ITIH1: variants seen among roughly 807,000 people sequenced by gnomAD.
ITIH1 encodes the protein inter-alpha-trypsin inhibitor heavy chain H1.
A neutral mutation model predicts 104.6 loss-of-function variants in ITIH1; 94 were observed. The observed-to-expected ratio is 0.90, with a 90% CI of 0.76 to 1.07. The LOEUF is 1.07. ITIH1 is among the 50% of genes least tolerant of loss of function. The pLI is 0.00. For missense variants in ITIH1, 1,193 were observed against 1,181.4 expected, an observed-to-expected ratio of 1.01 and a Z score of -0.14; for synonymous variants, 455 against 464.4, an observed-to-expected ratio of 0.98 and a Z score of 0.26.
At chr3:52,786,096 G>A (rs1403072894) in intron 12 of ITIH1, among the ~76,000 whole-genome samples, 199 bp from the exon 13 acceptor site, 1 of 152,168 alleles carries the variant, frequency 6.6e-6, no homozygotes, top group Non-Finnish European at 1.5e-5. Context: ...GGATCCCTAG[G>A]GTCCAGGCCA....
chr3:52,778,643 TG>T, intron 3 of ITIH1, 137 bp downstream of exon 3: 1 of 1,480,136 alleles, frequency 6.8e-7, no homozygotes, highest in East Asian at 2.4e-5. Flanking sequence ...GCCCTGGCTT[TG>T]AGGGGAGGAA....
intron 8 of ITIH1, among the ~76,000 whole-genome samples, 192 bp from the exon 9 acceptor site, chr3:52,782,765 C>T (rs1480619978): frequency 6.6e-6 from 1 of 152,110 alleles, no homozygotes; most frequent in East Asian, 1.9e-4. Flanking sequence ...TGGTGGGTTC[C>T]TTTGCCTTCT....
intron 13 of ITIH1, 48 bp downstream of exon 13, chr3:52,786,482 C>A: frequency 1.3e-6 from 2 of 1,532,718 alleles, no homozygotes; most frequent in South Asian, 1.2e-5. Flanking sequence ...ACCCCAGAGT[C>A]CCCCCACCCC....
rs202078965 is a variant in ITIH1 at position 52,788,109 on chromosome 3, C to G, written c.2005+43C>G. 1,210 of 1,550,494 alleles carry G rather than the reference C, an allele frequency of 7.8e-4. 5 individuals are homozygous for G. Among genetic ancestry groups the G allele is most frequent in the Non-Finnish European group, 7.9e-4 (900 of 1,134,022 alleles). ...TCTGAGGGACACCCCTGTTTGGGAC[C>G]CACCCTATCTGGCTGTCTCTCTCTC... is the stretch of plus-strand genomic sequence containing the variant. On this transcript the variant is annotated intron_variant, in intron 17 of 21. Transcript: ENST00000273283.
rs577126806 is a variant in ITIH1 at position 52,779,167 on chromosome 3, GC to G, written c.410+124del. 8.3e-4 allele frequency: 664 copies of G among 800,790 alleles called. 3 individuals carry two copies. The highest frequency in any genetic ancestry group is 7.6e-3 in the Middle Eastern group (25 of 3,298). The allele number at this position is 800,790 out of a possible 1,614,324, so 49.6% of individuals were successfully genotyped here. A position where few individuals can be genotyped will look rare whatever the true frequency, so the allele number is the denominator to read the frequency against. On this transcript the variant is annotated intron_variant, in intron 4 of 21. Transcript: ENST00000273283. This position sits in a 1 kb window ranked among gnomAD's most constrained non-coding sequence, Gnocchi z 4.4. ...AGGATGATGGAAGGGTAAGCAAACT[GC>G]CCAAACCCAGATGCCAGCACGGTGC...
chr3:52,778,642 T>C (rs1698963972), intron 3 of ITIH1, 136 bp downstream of exon 3: 3 of 1,481,186 alleles, frequency 2.0e-6, no homozygotes, highest in Non-Finnish European at 2.7e-6. Context: ...AGCCCTGGCT[T>C]TGAGGGGAGG....
Position 52,784,442 on chromosome 3 carries a change from A to G in ITIH1, c.1372A>G (p.Ile458Val). Reference protein sequence around the residue: ...SMENNGRAQRIYEDHDATQQL... With the variant: ...SMENNGRAQRVYEDHDATQQL... ...GGAGAACAACGGACGGGCCCAGAGA[A>G]TCTACGAGGACCATGATGCCACCCA... The change falls in exon 11 of 22, where the codon ATC becomes GTC. Residue 458 changes from isoleucine to valine, a missense_variant. Ile to Val is a conservative substitution (Grantham distance 29). Transcript: ENST00000273283. The G allele has an allele frequency of 6.2e-7, 1 of 1,614,110 alleles. No individual in the cohort carries two copies. The highest frequency in any genetic ancestry group is 1.1e-5 in the South Asian group (1 of 91,082).
At position 52,779,226 on chromosome 3, in the gene ITIH1, C is replaced by A. The variant is rs1698979103; in HGVS notation, c.410+180C>A. 6.6e-6 allele frequency among the ~76,000 whole-genome samples: 1 copy of A among 152,210 alleles called. No homozygotes were observed. The highest frequency in any genetic ancestry group is 2.4e-5 in the African/African-American group (1 of 41,458). On this transcript the variant is annotated intron_variant, in intron 4 of 21. Coordinates refer to ENST00000273283, the MANE Select transcript of ITIH1 (RefSeq NM_002215.4). The surrounding 1 kb of genome is among the most constrained non-coding windows in gnomAD (Gnocchi z 4.4). ...AGGCTGCCGTGCAGTTGCCCTTTTC[C>A]CAGATATGCCACTGGGAGAAGTGGG... is the stretch of plus-strand genomic sequence containing the variant.
chr3:52,787,248 G>GGGCAGGT, intron 15 of ITIH1, 46 bp downstream of exon 15: 1 of 1,612,748 alleles, frequency 6.2e-7, no homozygotes, highest in Non-Finnish European at 8.5e-7. Context: ...TTCGGTAGCT[G>GGGCAGGT]GGCAGGTGGC....
At chr3:52,783,159 AC>A (rs1486878829) in intron 9 of ITIH1, 34 bp downstream of exon 9, 1 of 1,613,512 alleles carries the variant, frequency 6.2e-7, no homozygotes, top group East Asian at 2.2e-5. Context: ...CCTTGATGTC[AC>A]CTCTGTCCCC....
Position 52,784,376 on chromosome 3 carries a change from G to C in ITIH1, c.1306G>C (p.Gly436Arg). ...GRFPLYNLGF[G>R]HNVDFNFLEV... ...GTTCCCGCTCTACAACCTGGGTTTC[G>C]GCCACAATGTGGACTTTAACTTTCT... The change falls in exon 11 of 22, where the codon GGC (glycine) becomes CGC (arginine). Residue 436 changes from glycine to arginine, a missense_variant. Transcript: ENST00000273283. 6.2e-7 allele frequency: 1 copy of C among 1,614,124 alleles called. No homozygotes were observed. The highest frequency in any genetic ancestry group is 1.1e-5 in the South Asian group (1 of 91,084).
Position 52,783,120 on chromosome 3 carries a change from A to G in ITIH1, c.1094A>G (p.Asp365Gly), listed in dbSNP as rs774683840. The change falls in exon 9 of 22, where the codon GAT becomes GGT. Residue 365 changes from aspartate (D) to glycine (G), a missense_variant. Transcript: ENST00000273283. Reference sequence around the variant, plus strand: ...GACTTTGTGCGGGGCTTTTCCCTGGATGAGGGTAAGGGTGGGGGTCTCAGG... The same window carrying G: ...GACTTTGTGCGGGGCTTTTCCCTGGGTGAGGGTAAGGGTGGGGGTCTCAGG... ...AQDFVRGFSL[D>G]EATNLNGGLL... 5 of 1,613,166 alleles carry G rather than the reference A, an allele frequency of 3.1e-6. No homozygotes were observed. The highest frequency in any genetic ancestry group is 4.2e-6 in the Non-Finnish European group (5 of 1,179,474).
At chr3:52,785,263 G>A (rs1376912009) in intron 12 of ITIH1, 34 bp downstream of exon 12, 1 of 1,603,984 alleles carries the variant, frequency 6.2e-7, no homozygotes, top group Admixed American at 1.7e-5. Context: ...GGAGAGGCCA[G>A]GCAGCACCCT....
chr3:52,791,639 T>C lies in ITIH1; in HGVS notation c.2606+11T>C. On this transcript the variant is annotated intron_variant, in intron 21 of 21. Coordinates refer to ENST00000273283, the MANE Select transcript of ITIH1 (RefSeq NM_002215.4). The stretch of plus-strand genomic sequence containing the variant: ...GCTCACGGTCACCAGGTGGGTGGGC[T>C]GCTTGCCCAGCACGTCTGCCCTCGG... 3.7e-6 allele frequency: 6 copies of C among 1,611,566 alleles called. No individual in the cohort carries two copies. The highest frequency in any genetic ancestry group is 4.2e-6 in the Non-Finnish European group (5 of 1,178,028).
rs1698979857 is a variant in ITIH1, at chr3:52,779,270, C to T, written c.411-162C>T. ...AAGTGGGCCCCCGCCATCTTGGGCC[C>T]TGACCCTGACCAGCCAGCTAACACA... On this transcript the variant is annotated intron_variant, in intron 4 of 21. Coordinates refer to ENST00000273283, the MANE Select transcript of ITIH1 (RefSeq NM_002215.4). This position sits in a 1 kb window ranked among gnomAD's most constrained non-coding sequence, Gnocchi z 4.4. Among the ~76,000 whole-genome samples the T allele has an allele frequency of 6.6e-6, 1 of 152,240 alleles. No individual in the cohort carries two copies.
chr3:52,784,983 C>A, intron 11 of ITIH1, 61 bp from the exon 12 acceptor site: 4 of 1,530,166 alleles, frequency 2.6e-6, no homozygotes, highest in African/African-American at 1.4e-5. Context: ...ACTTTGTGGG[C>A]AGGCTTCCCA....
At position 52,779,184 on chromosome 3, in the gene ITIH1, A is replaced by T. The variant is rs1024443335; in HGVS notation, c.410+138A>T. On this transcript the variant is annotated intron_variant, in intron 4 of 21. Transcript: ENST00000273283. This position sits in a 1 kb window ranked among gnomAD's most constrained non-coding sequence, Gnocchi z 4.4. Reference sequence around the variant, plus strand: ...AGCAAACTGCCCAAACCCAGATGCCAGCACGGTGCACTGAACAGGCTGCCG... The same window carrying T: ...AGCAAACTGCCCAAACCCAGATGCCTGCACGGTGCACTGAACAGGCTGCCG... 6 of 754,962 alleles carry T rather than the reference A, an allele frequency of 7.9e-6. No individual in the cohort carries two copies. The highest frequency in any genetic ancestry group is 5.2e-5 in the African/African-American group (3 of 58,194). 46.8% of individuals were successfully genotyped at this position (754,962 alleles called of 1,614,324 possible).
intron 13 of ITIH1, 21 bp downstream of exon 13, chr3:52,786,455 C>T (rs1261348810): frequency 3.8e-6 from 6 of 1,563,030 alleles, no homozygotes; most frequent in Middle Eastern, 1.9e-4. Context: ...TGCAGCTGCC[C>T]CAGGTGGGCA....
chr3:52,792,053 G>A lies in ITIH1; in HGVS notation c.*142G>A. On this transcript the variant is annotated 3_prime_UTR_variant, in exon 22 of 22. Coordinates refer to ENST00000273283, the MANE Select transcript of ITIH1 (RefSeq NM_002215.4). The stretch of plus-strand genomic sequence containing the variant: ...ACCTCATGCCTTCCATTAAAGAGAG[G>A]CCGTGTCCACCCTGAGCTGGCTGAT... The A allele has an allele frequency of 1.0e-6, 1 of 976,278 alleles. No individual in the cohort carries two copies. The highest frequency in any genetic ancestry group is 1.5e-6 in the Non-Finnish European group (1 of 676,714). The allele number at this position is 976,278 out of a possible 1,614,324, so 60.5% of individuals were successfully genotyped here.
Sources: allele counts gnomAD v4.1 joint callset (sites outside exome capture counted in the v4.1 genomes callset), GRCh38; gene constraint gnomAD v4.1.1; non-coding constraint Gnocchi (gnomAD v3.1); transcripts MANE v1.5; gene names NCBI Gene and HGNC (gene_info 2026-07-23, HGNC 2026-07-21).